CDC42BPB: variants seen among roughly 807,000 people sequenced by gnomAD.
The protein encoded by CDC42BPB is serine/threonine-protein kinase MRCK beta.
In CDC42BPB, 37 loss-of-function variants were observed where a neutral mutation model predicts 214.9. That is an observed-to-expected ratio of 0.17 (90% CI 0.13 to 0.23). The LOEUF is 0.23. CDC42BPB is among the 10% of genes least tolerant of loss of function. The probability of loss-of-function intolerance (pLI) is 1.00; values close to 1 mark genes in which losing one functional copy is unlikely to be tolerated. For synonymous variants in CDC42BPB, 931 were observed against 884.0 expected (o/e 1.05, Z -0.94); for missense variants, 1,694 against 2,227.0 (o/e 0.76, Z 4.82).
chr14:103,035,035 G>C (rs1887590791), intron 1 of CDC42BPB, among the ~76,000 whole-genome samples: 1 of 151,790 alleles, frequency 6.6e-6, no homozygotes. Flanking sequence ...CCATTCAATA[G>C]GGGCAACTAG....
intron 20 of CDC42BPB, among the ~76,000 whole-genome samples, chr14:102,960,903 TA>T (rs2139430380): frequency 6.6e-6 from 1 of 152,268 alleles, no homozygotes; most frequent in African/African-American, 2.4e-5. Flanking sequence ...CTCACGCCTG[TA>T]ATCCTAGCAC....
At chr14:102,959,923 G>A (rs1892882582) in intron 20 of CDC42BPB, 1 of 841,906 alleles carries the variant, frequency 1.2e-6, no homozygotes, top group Admixed American at 6.3e-5. Context: ...AAGTAACCAA[G>A]GGACTGGGTG....
At chr14:103,033,998 G>C (rs1887531724) in intron 1 of CDC42BPB, among the ~76,000 whole-genome samples, 1 of 152,182 alleles carries the variant, frequency 6.6e-6, no homozygotes, top group African/African-American at 2.4e-5. Flanking sequence ...ATTCTACAAA[G>C]CTGCCATGGC....
At chr14:103,047,915 C>A in intron 1 of CDC42BPB, among the ~76,000 whole-genome samples, 4 of 99,360 alleles carry the variant, frequency 4.0e-5, no homozygotes, top group South Asian at 3.1e-4. Context: ...AAAAAAAAAG[C>A]ATTTTCAGAC....
At chr14:102,949,561 C>G (rs1804268182) in intron 26 of CDC42BPB, among the ~76,000 whole-genome samples, 2 of 152,154 alleles carry the variant, frequency 1.3e-5, no homozygotes. Flanking sequence ...CGTTCCTGCG[C>G]ACGCAGGCCC....
chr14:102,964,206 G>A (rs1034549866), intron 19 of CDC42BPB, among the ~76,000 whole-genome samples: 1 of 152,222 alleles, frequency 6.6e-6, no homozygotes, highest in South Asian at 2.1e-4. Flanking sequence ...AGCGGTGTGA[G>A]TCTCGCTACC....
rs966688015 is a variant in CDC42BPB at position 102,932,497 on chromosome 14, C to T, written c.*1215G>A. On this transcript the variant is annotated 3_prime_UTR_variant, in exon 37 of 37. Transcript: ENST00000361246. ...ACATTAAAAAAGTAAAAACCAGAAC[C>T]CCCCAGGTGCCCATCCAGCAGAAGG... 2 of 152,400 alleles carry T rather than the reference C, an allele frequency of 1.3e-5. No individual in the cohort carries two copies. Among genetic ancestry groups the T allele is most frequent in the African/African-American group, 4.8e-5 (2 of 41,416 alleles). The allele number at this position is 152,400 out of a possible 1,614,324, so 9.4% of individuals were successfully genotyped here.
intron 30 of CDC42BPB, 49 bp from the exon 31 acceptor site, chr14:102,940,373 C>T (rs1240318183): frequency 1.9e-6 from 3 of 1,549,058 alleles, no homozygotes; most frequent in Admixed American, 2.0e-5. Flanking sequence ...CTCAGGAACT[C>T]ACCTGCCCTC....
Position 102,943,863 on chromosome 14 carries a change from G to C in CDC42BPB, c.4408+28C>G, listed in dbSNP as rs1263010584. 3 of 1,564,636 alleles carry C rather than the reference G, an allele frequency of 1.9e-6. No individual in the cohort carries two copies. The highest frequency in any genetic ancestry group is 2.3e-5 in the East Asian group (1 of 44,314). ...CTGTCGGTGGGAAAAGCAGCAACAG[G>C]GATATGCAACAGAAAACATATACAT... is the stretch of plus-strand genomic sequence containing the variant. On this transcript the variant is annotated intron_variant, in intron 30 of 36. Coordinates refer to ENST00000361246, the MANE Select transcript of CDC42BPB (RefSeq NM_006035.4). The surrounding 1 kb of genome is among the most constrained non-coding windows in gnomAD (Gnocchi z 4.6).
chr14:102,933,660 T>A lies in CDC42BPB; in HGVS notation c.*52A>T. ...TGGAGGGCCCGCTCAGTCTTGGCAC[T>A]GACGCTGGAGGCCATCTCCAGCTCC... On this transcript the variant is annotated 3_prime_UTR_variant, in exon 37 of 37. Coordinates refer to ENST00000361246, the MANE Select transcript of CDC42BPB (RefSeq NM_006035.4). 1 of 1,378,922 alleles carries A rather than the reference T, an allele frequency of 7.3e-7. No individual in the cohort carries two copies. Among genetic ancestry groups the A allele is most frequent in the Non-Finnish European group, 9.3e-7 (1 of 1,070,170 alleles). 85.4% of individuals were successfully genotyped at this position (1,378,922 alleles called of 1,614,324 possible).
intron 1 of CDC42BPB, among the ~76,000 whole-genome samples, chr14:103,046,424 G>C (rs1888286146): frequency 6.6e-6 from 1 of 152,144 alleles, no homozygotes; most frequent in South Asian, 2.1e-4. Context: ...TGGAAAGACA[G>C]CCAGTAATCA....
chr14:102,941,946 C>T (rs777715724), intron 30 of CDC42BPB, among the ~76,000 whole-genome samples: 1 of 152,228 alleles, frequency 6.6e-6, no homozygotes, highest in Non-Finnish European at 1.5e-5. Flanking sequence ...TGCACTGTGC[C>T]CGCAGGAGAG....
chr14:102,972,191 G>A (rs371492506), intron 12 of CDC42BPB, 30 bp from the exon 13 acceptor site: 17 of 1,605,290 alleles, frequency 1.1e-5, no homozygotes, highest in South Asian at 3.3e-5. Flanking sequence ...GATGTTTTAC[G>A]TTTGCCTAAC....
At position 102,938,698 on chromosome 14, in the gene CDC42BPB, G is replaced by A. The variant is rs35517568; in HGVS notation, c.4828-287C>T. On this transcript the variant is annotated intron_variant, in intron 34 of 36. Coordinates refer to ENST00000361246, the MANE Select transcript of CDC42BPB (RefSeq NM_006035.4). ...GGCTGGAGTGCAATGACGTGATCTC[G>A]GCTCACTGCAACCTCTGCCTCCTGG... is the stretch of plus-strand genomic sequence containing the variant. 443 of 317,742 alleles carry A rather than the reference G, an allele frequency of 1.4e-3. 3 individuals carry two copies. Among genetic ancestry groups the A allele is most frequent in the African/African-American group, 9.3e-3 (414 of 44,716 alleles). 19.7% of individuals were successfully genotyped at this position (317,742 alleles called of 1,614,324 possible). A position where few individuals can be genotyped will look rare whatever the true frequency, so the allele number is the denominator to read the frequency against.
intron 18 of CDC42BPB, among the ~76,000 whole-genome samples, chr14:102,965,179 C>G (rs7145212): frequency 2.0e-4 from 31 of 152,006 alleles, no homozygotes; most frequent in African/African-American, 7.2e-4. Flanking sequence ...TGATCCACCC[C>G]CCTTGGCCTC....
chr14:102,998,599 G>C (rs1894844696), intron 5 of CDC42BPB, among the ~76,000 whole-genome samples: 1 of 152,218 alleles, frequency 6.6e-6, no homozygotes, highest in Non-Finnish European at 1.5e-5. Context: ...TGAGTCACTG[G>C]GGAGCTGCCC....
At position 103,001,724 on chromosome 14, in the gene CDC42BPB, G is replaced by A. The variant is rs188190628; in HGVS notation, c.448-2011C>T. Among the ~76,000 whole-genome samples, 3 of 152,316 alleles carry A rather than the reference G, an allele frequency of 2.0e-5. No homozygotes were observed. Among genetic ancestry groups the A allele is most frequent in the African/African-American group, 4.8e-5 (2 of 41,558 alleles). On this transcript the variant is annotated intron_variant, in intron 4 of 36. Transcript: ENST00000361246. This position sits in a 1 kb window ranked among gnomAD's most constrained non-coding sequence, Gnocchi z 5.8. ...GCCCCGGCAGCTGACGGACACACAC[G>A]GGGCCAGGGGAGATGCGGTGAACGA... is the stretch of plus-strand genomic sequence containing the variant.
At chr14:102,949,688 AG>A in intron 26 of CDC42BPB, 76 bp downstream of exon 26, 2 of 1,578,396 alleles carry the variant, frequency 1.3e-6, no homozygotes, top group Non-Finnish European at 8.7e-7. Flanking sequence ...AAGACTACTA[AG>A]GAACACACCG....
rs1892080977 is a variant in CDC42BPB, at chr14:102,944,888, T to G, written c.3812-401A>C. Among the ~76,000 whole-genome samples, 2 of 152,132 alleles carry G rather than the reference T, an allele frequency of 1.3e-5. No individual in the cohort carries two copies. The highest frequency in any genetic ancestry group is 4.8e-5 in the African/African-American group (2 of 41,428). The stretch of plus-strand genomic sequence containing the variant: ...AACCAGAGGGCCCTCACGCTGCACA[T>G]GAGGGACAAAGAGCTGTCCCCAACC... On this transcript the variant is annotated intron_variant, in intron 29 of 36. Transcript: ENST00000361246. The surrounding 1 kb of genome is among the most constrained non-coding windows in gnomAD (Gnocchi z 6.6).
Sources: gnomAD v4.1 joint callset for allele counts (sites outside exome capture counted in the v4.1 genomes callset) on GRCh38, gnomAD v4.1.1 for gene constraint, Gnocchi (gnomAD v3.1) non-coding constraint, MANE v1.5 for transcripts, NCBI Gene and HGNC (gene_info 2026-07-23, HGNC 2026-07-21) for gene names.